KIF26B: variants seen among roughly 807,000 people sequenced by gnomAD.
KIF26B encodes the protein kinesin-like protein KIF26B.
Under a neutral mutation model 151.2 loss-of-function variants are expected in KIF26B, and 63 were observed. The ratio of observed to expected loss-of-function variants is 0.42; its 90% CI spans 0.34 to 0.51. KIF26B has a LOEUF of 0.51. Among genes scored for constraint, KIF26B ranks in the 20% least tolerant of loss-of-function variants. KIF26B has a pLI of 0.07. For missense variants in KIF26B, 2,813 were observed against 2,913.6 expected, an observed-to-expected ratio of 0.97 and a Z score of 0.79; for synonymous variants, 1,357 against 1,262.1, an observed-to-expected ratio of 1.08 and a Z score of -1.59.
At position 245,291,659 on chromosome 1, in the gene KIF26B, GATGGATGTTTGACTAGAAACTACGAA is replaced by G. The variant is rs528330506; in HGVS notation, c.466-75154_466-75129del. Among the ~76,000 whole-genome samples the G allele has an allele frequency of 9.5e-4, 144 of 152,340 alleles. No individual in the cohort carries two copies. The East Asian group carries it at 0.024, about 25-fold the overall frequency. ...CAGATTCCTGTTCTCCACTGGGAAA[GATGGATGTTTGACTAGAAACTACGAA>G]ATGGATGTTTGACTAGAAACAGGTA... On this transcript the variant is annotated intron_variant, in intron 2 of 14. Coordinates refer to ENST00000407071, the MANE Select transcript of KIF26B (RefSeq NM_018012.4).
chr1:245,652,747 A>C (rs34523969), intron 10 of KIF26B, among the ~76,000 whole-genome samples: 18,010 of 152,108 alleles, frequency 0.12, 1,203 homozygotes, highest in African/African-American at 0.15. Context: ...TTTCATTCTT[A>C]AGAGGACCAC....
intron 10 of KIF26B, among the ~76,000 whole-genome samples, chr1:245,679,464 T>TG (rs2044402314): frequency 8.2e-6 from 1 of 122,126 alleles, no homozygotes; most frequent in Admixed American, 7.9e-5. Flanking sequence ...TGTGTTTTTT[T>TG]TTTTTTTTTT....
chr1:245,357,302 T>C (rs1672721273), intron 2 of KIF26B, among the ~76,000 whole-genome samples: 1 of 152,242 alleles, frequency 6.6e-6, no homozygotes, highest in Non-Finnish European at 1.5e-5. Flanking sequence ...TTATCATTAC[T>C]ATTCAAATTA....
At chr1:245,588,102 T>G (rs2043246480) in intron 5 of KIF26B, among the ~76,000 whole-genome samples, 1 of 152,156 alleles carries the variant, frequency 6.6e-6, no homozygotes, top group Non-Finnish European at 1.5e-5. Context: ...CAGCCTTTCA[T>G]GCAGAGGGGA....
intron 10 of KIF26B, among the ~76,000 whole-genome samples, chr1:245,668,701 C>CTTTTTTTT (rs10691487): frequency 2.0e-4 from 30 of 151,236 alleles, no homozygotes; most frequent in Admixed American, 3.9e-4. Context: ...CTTTTCTTTT[C>CTTTTTTTT]TTTTTTTGAG....
chr1:245,346,993 C>G (rs932757964), intron 2 of KIF26B, among the ~76,000 whole-genome samples: 8 of 152,212 alleles, frequency 5.3e-5, no homozygotes, highest in East Asian at 3.9e-4. Context: ...TCTCTCTCTT[C>G]ATCCCACTCT....
intron 10 of KIF26B, among the ~76,000 whole-genome samples, chr1:245,680,773 C>T (rs953257170): frequency 6.6e-6 from 1 of 152,216 alleles, no homozygotes; most frequent in African/African-American, 2.4e-5. Flanking sequence ...GTTTCACAGT[C>T]ATTCTCCGAC....
chr1:245,559,473 T>C (rs1426418706), intron 5 of KIF26B, among the ~76,000 whole-genome samples: 2 of 152,142 alleles, frequency 1.3e-5, no homozygotes, highest in Non-Finnish European at 2.9e-5. Flanking sequence ...TGTGCAGTGG[T>C]GCGATCTCAG....
rs2044572146 is a variant in KIF26B, at chr1:245,688,513, G to A, written c.5530G>A (p.Ala1844Thr). 5 of 1,503,960 alleles carry A rather than the reference G, an allele frequency of 3.3e-6. No homozygotes were observed. Among genetic ancestry groups the A allele is most frequent in the African/African-American group, 2.9e-5 (2 of 68,862 alleles). 93.2% of individuals were successfully genotyped at this position (1,503,960 alleles called of 1,614,324 possible). A position where few individuals can be genotyped will look rare whatever the true frequency, so the allele number is the denominator to read the frequency against. ...CCTGGCCGAGGACGAGCCCGCGGCC[G>A]CGCACCTGCTCCCGTCGCCCTACAG... Reference protein sequence around the residue: ...GALAEDEPAAAHLLPSPYSKI... With the variant: ...GALAEDEPAATHLLPSPYSKI... The change falls in exon 12 of 15, where the codon GCG becomes ACG. Residue 1844 changes from alanine to threonine, a missense_variant. By Grantham distance (58) the Ala-to-Thr change is moderately conservative. Coordinates refer to ENST00000407071, the MANE Select transcript of KIF26B (RefSeq NM_018012.4).
At position 245,600,252 on chromosome 1, in the gene KIF26B, A is replaced by T. The variant is rs57220130; in HGVS notation, c.1351-2325A>T. ...ACGGGGTTTCACCGTGTTAGCCAGG[A>T]TGGTCTCTATCTCCTGACCTTGTGA... On this transcript the variant is annotated intron_variant, in intron 5 of 14. Coordinates refer to ENST00000407071, the MANE Select transcript of KIF26B (RefSeq NM_018012.4). Among the ~76,000 whole-genome samples the T allele has an allele frequency of 2.4e-5, 3 of 127,312 alleles. 1 individual carries two copies. The highest frequency in any genetic ancestry group is 5.2e-5 in the Non-Finnish European group (3 of 57,542). 83.5% of individuals were successfully genotyped at this position (127,312 alleles called of 152,430 possible).
In KIF26B at chr1:245,540,552, G is replaced by A. The variant is rs1354018049; in HGVS notation, c.1167-215G>A. On this transcript the variant is annotated intron_variant, in intron 4 of 14. Coordinates refer to ENST00000407071, the MANE Select transcript of KIF26B (RefSeq NM_018012.4). The surrounding 1 kb of genome is among the most constrained non-coding windows in gnomAD (Gnocchi z 4.6). ...TGATTGCAGAATCCTGCTATTTTAT[G>A]GCTTTGTTTTTCCTTTTGTCGTATA... The A allele has an allele frequency of 1.4e-6, 1 of 703,122 alleles. No individual in the cohort carries two copies. Among genetic ancestry groups the A allele is most frequent in the South Asian group, 1.5e-5 (1 of 66,958 alleles). The allele number at this position is 703,122 out of a possible 1,614,324, so 43.6% of individuals were successfully genotyped here.
Position 245,227,162 on chromosome 1 carries a change from G to C in KIF26B, c.465+70479G>C, listed in dbSNP as rs187762360. Among the ~76,000 whole-genome samples, 61 of 152,048 alleles carry C rather than the reference G, an allele frequency of 4.0e-4. No individual in the cohort carries two copies. The highest frequency in any genetic ancestry group is 7.4e-5 in the Non-Finnish European group (5 of 68,012). On this transcript the variant is annotated intron_variant, in intron 2 of 14. Transcript: ENST00000407071. This position sits in a 1 kb window ranked among gnomAD's most constrained non-coding sequence, Gnocchi z 4.1. ...GACATTATTACCCAGATCCAGTTGC[G>C]GAGAGGCGTGTGTGTCTGTCTGGTT...
chr1:245,362,780 G>A (rs902056806), intron 2 of KIF26B, among the ~76,000 whole-genome samples: 3 of 152,064 alleles, frequency 2.0e-5, no homozygotes, highest in East Asian at 1.9e-4. Flanking sequence ...CACCACCTAC[G>A]TGTCTTCTTG....
At position 245,560,172 on chromosome 1, in the gene KIF26B, A is replaced by G. The variant is rs2042930535; in HGVS notation, c.1350+19222A>G. ...GTGAGTTGTGGATGAAAGGGGCTGT[A>G]TCTTACTTGCCCCTTTTTGCATTTA... On this transcript the variant is annotated intron_variant, in intron 5 of 14. Transcript: ENST00000407071. This position sits in a 1 kb window ranked among gnomAD's most constrained non-coding sequence, Gnocchi z 4.3. Among the ~76,000 whole-genome samples, 1 of 152,082 alleles carries G rather than the reference A, an allele frequency of 6.6e-6. No individual in the cohort carries two copies. The highest frequency in any genetic ancestry group is 6.5e-5 in the Admixed American group (1 of 15,280).
At chr1:245,162,690 C>T (rs6429527) in intron 2 of KIF26B, among the ~76,000 whole-genome samples, 127,608 of 152,186 alleles carry the variant, frequency 0.84, 54,918 homozygotes, top group South Asian at 0.94. Flanking sequence ...AAAGTACATT[C>T]GTGTAGATGC....
intron 3 of KIF26B, among the ~76,000 whole-genome samples, chr1:245,387,869 T>G (rs368496633): frequency 5.9e-5 from 9 of 152,258 alleles, no homozygotes; most frequent in African/African-American, 2.2e-4. Context: ...AGGTCCCATC[T>G]CTCTCCCTCA....
chr1:245,470,709 C>T (rs572882366), intron 4 of KIF26B, among the ~76,000 whole-genome samples: 4 of 152,212 alleles, frequency 2.6e-5, no homozygotes, highest in African/African-American at 4.8e-5. Context: ...GGATTACAGG[C>T]GTGAGCCACC....
intron 9 of KIF26B, among the ~76,000 whole-genome samples, chr1:245,613,515 T>G (rs1241661422): frequency 6.6e-6 from 1 of 152,198 alleles, no homozygotes; most frequent in Non-Finnish European, 1.5e-5. Context: ...GGAGAATTGC[T>G]TGAACCCAGG....
chr1:245,260,603 G>A (rs975343427), intron 2 of KIF26B, among the ~76,000 whole-genome samples: 3 of 152,204 alleles, frequency 2.0e-5, no homozygotes, highest in Non-Finnish European at 2.9e-5. Flanking sequence ...ACCGGTTTGC[G>A]GTCAGTGCTC....
Sources: gnomAD v4.1 joint callset for allele counts (sites outside exome capture counted in the v4.1 genomes callset) on GRCh38, gnomAD v4.1.1 for gene constraint, Gnocchi (gnomAD v3.1) non-coding constraint, MANE v1.5 for transcripts, NCBI Gene and HGNC (gene_info 2026-07-23, HGNC 2026-07-21) for gene names.